The following STPG2 variants were observed in gnomAD, a reference collection of about 807,000 sequenced individuals.
STPG2 encodes sperm tail PG-rich repeat containing 2, also known as sperm-tail PG-rich repeat-containing protein 2.
Under a neutral mutation model 54.2 loss-of-function variants are expected in STPG2, and 56 were observed. The ratio of observed to expected loss-of-function variants is 1.03; its 90% CI spans 0.83 to 1.29. The LOEUF is 1.29. Ranked by LOEUF, STPG2 falls within the 50% of genes most tolerant of loss-of-function variation. STPG2 has a pLI of 0.00. For synonymous variants in STPG2, 200 were observed against 181.8 expected, an observed-to-expected ratio of 1.10 and a Z score of -0.81; for missense variants, 596 against 544.9, an observed-to-expected ratio of 1.09 and a Z score of -0.93.
chr4:97,843,145 A>G (rs1484478105), intron 8 of STPG2, among the ~76,000 whole-genome samples: 1 of 151,882 alleles, frequency 6.6e-6, no homozygotes, highest in Non-Finnish European at 1.5e-5. Flanking sequence ...AAGAATGGAT[A>G]TAATAGACAT....
chr4:97,590,159 T>C (rs890328217), intron 10 of STPG2, among the ~76,000 whole-genome samples: 1 of 152,156 alleles, frequency 6.6e-6, no homozygotes, highest in Admixed American at 6.6e-5. Context: ...CATATACTTA[T>C]ATAGAAAACA....
chr4:98,108,831 A>G (rs1739260627), intron 4 of STPG2, among the ~76,000 whole-genome samples: 1 of 152,044 alleles, frequency 6.6e-6, no homozygotes, highest in Non-Finnish European at 1.5e-5. Context: ...GTTAATGCAT[A>G]TATAGTAGAT....
chr4:97,994,671 A>G (rs1735145950), intron 5 of STPG2, among the ~76,000 whole-genome samples: 1 of 152,168 alleles, frequency 6.6e-6, no homozygotes, highest in African/African-American at 2.4e-5. Flanking sequence ...TCTCTCAGCC[A>G]TGAATACCAG....
At chr4:97,845,494 A>G (rs2149125673) in intron 8 of STPG2, among the ~76,000 whole-genome samples, 1 of 152,288 alleles carries the variant, frequency 6.6e-6, no homozygotes, top group African/African-American at 2.4e-5. Context: ...TATTTACGTC[A>G]ATATTTGCTT....
At chr4:98,050,468 C>T (rs1363527132) in intron 5 of STPG2, among the ~76,000 whole-genome samples, 1 of 151,992 alleles carries the variant, frequency 6.6e-6, no homozygotes, top group African/African-American at 2.4e-5. Flanking sequence ...GGGGGTTCTG[C>T]CCCTCTCTCT....
At chr4:97,516,849 A>ATAT (rs1553934571) in intron 4 of STPG2, among the ~76,000 whole-genome samples, 483 of 149,132 alleles carry the variant, frequency 3.2e-3, no homozygotes, top group Non-Finnish European at 5.4e-3. Flanking sequence ...CAACAACAAC[A>ATAT]ATATATATAT....
intron 9 of STPG2, among the ~76,000 whole-genome samples, chr4:97,814,192 G>C (rs1221383981): frequency 1.3e-5 from 2 of 152,122 alleles, no homozygotes; most frequent in Admixed American, 6.6e-5. Flanking sequence ...TTTCACTTTA[G>C]TGACTTACAT....
At chr4:97,513,912 G>T (rs185122260) in intron 4 of STPG2, among the ~76,000 whole-genome samples, 1 of 152,108 alleles carries the variant, frequency 6.6e-6, no homozygotes, top group East Asian at 1.9e-4. Flanking sequence ...CCCCAAAAAA[G>T]AATTGAGGAA....
At chr4:98,073,058 T>C (rs1738057004) in intron 5 of STPG2, among the ~76,000 whole-genome samples, 1 of 152,150 alleles carries the variant, frequency 6.6e-6, no homozygotes, top group Non-Finnish European at 1.5e-5. Context: ...TTATCACAGG[T>C]ATTATTATTT....
At chr4:98,021,613 G>T (rs1033630061) in intron 5 of STPG2, among the ~76,000 whole-genome samples, 4 of 152,068 alleles carry the variant, frequency 2.6e-5, no homozygotes, top group African/African-American at 9.7e-5. Context: ...TGTTGACAGT[G>T]GGGTCTTAAA....
At chr4:97,507,514 T>C (rs1016975666) in intron 4 of STPG2, among the ~76,000 whole-genome samples, 1 of 152,038 alleles carries the variant, frequency 6.6e-6, no homozygotes, top group Non-Finnish European at 1.5e-5. Flanking sequence ...CAGCACTAAC[T>C]AGCCAAAGTT....
chr4:97,945,889 T>A (rs891681450), intron 7 of STPG2, among the ~76,000 whole-genome samples: 1 of 152,066 alleles, frequency 6.6e-6, no homozygotes, highest in Non-Finnish European at 1.5e-5. Context: ...TGAAACCCTA[T>A]CTCTACAAAA....
intron 8 of STPG2, among the ~76,000 whole-genome samples, chr4:97,864,365 T>C (rs546273681): frequency 9.2e-5 from 14 of 152,182 alleles, no homozygotes; most frequent in Non-Finnish European, 1.9e-4. Flanking sequence ...ATAAAATACC[T>C]AGGAATCCAA....
chr4:98,090,420 T>A (rs183905976), intron 5 of STPG2, among the ~76,000 whole-genome samples: 8 of 152,256 alleles, frequency 5.3e-5, no homozygotes, highest in Admixed American at 5.2e-4. Flanking sequence ...ACATGCCTAT[T>A]TTTATACTGG....
At chr4:97,782,374 A>T (rs1726669664) in intron 9 of STPG2, among the ~76,000 whole-genome samples, 1 of 152,330 alleles carries the variant, frequency 6.6e-6, no homozygotes, top group Admixed American at 6.5e-5. Flanking sequence ...CTTACAAGGG[A>T]TGTGAAGAAC....
At chr4:97,842,770 C>T (rs1728839613) in intron 8 of STPG2, among the ~76,000 whole-genome samples, 1 of 151,848 alleles carries the variant, frequency 6.6e-6, no homozygotes, top group South Asian at 2.1e-4. Context: ...GATTCACTGC[C>T]TCTCTTACCA....
chr4:97,981,434 G>A (rs1734673045), intron 5 of STPG2, 116 bp from the exon 6 acceptor site: 1 of 1,054,720 alleles, frequency 9.5e-7, no homozygotes, highest in Non-Finnish European at 1.3e-6. Context: ...TTTCTTAATG[G>A]AGTGAAGAAA....
intron 10 of STPG2, among the ~76,000 whole-genome samples, chr4:97,566,469 C>G (rs1259489970): frequency 6.6e-6 from 1 of 152,150 alleles, no homozygotes; most frequent in African/African-American, 2.4e-5. Context: ...GTCTGGCACT[C>G]CCTAGTGAGA....
At position 98,089,172 on chromosome 4, in the gene STPG2, A is replaced by G. The variant is rs144498667; in HGVS notation, c.612+16781T>C. On this transcript the variant is annotated intron_variant, in intron 5 of 10. Transcript: ENST00000295268. ...CCATCACCCAGACATTGTATACTGT[A>G]CCCAGTAGGTAGTCTTTATCCATGA... 3.9e-3 allele frequency among the ~76,000 whole-genome samples: 587 copies of G among 152,146 alleles called. 1 individual carries two copies. The highest frequency in any genetic ancestry group is 0.014 in the Middle Eastern group (4 of 294).
Sources: gnomAD v4.1 joint callset for allele counts (sites outside exome capture counted in the v4.1 genomes callset) on GRCh38, gnomAD v4.1.1 for gene constraint, MANE v1.5 for transcripts, NCBI Gene and HGNC (gene_info 2026-07-23, HGNC 2026-07-21) for gene names.